DNAJB13: variants seen among roughly 807,000 people sequenced by gnomAD.
The protein encoded by DNAJB13 is DnaJ heat shock protein family (Hsp40) member B13, also known as dnaJ homolog subfamily B member 13.
DNAJB13 carries 22 observed loss-of-function variants against 35.6 expected under a neutral mutation model. That is an observed-to-expected ratio of 0.62 (90% CI 0.44 to 0.88). The LOEUF is 0.88. DNAJB13 is among the 40% of genes least tolerant of loss of function. DNAJB13 has a pLI of 0.00. For synonymous variants in DNAJB13, 136 were observed against 144.2 expected (o/e 0.94, Z 0.41); for missense variants, 370 against 384.3 (o/e 0.96, Z 0.31).
chr11:73,961,530 C>G (rs1203237279), intron 3 of DNAJB13, among the ~76,000 whole-genome samples: 1 of 152,178 alleles, frequency 6.6e-6, no homozygotes, highest in African/African-American at 2.4e-5. Context: ...TGGGTGGACC[C>G]ACAAAGGCTG....
intron 7 of DNAJB13, 32 bp from the exon 8 acceptor site, chr11:73,969,929 C>CCTCTATG: frequency 6.3e-7 from 1 of 1,588,112 alleles, no homozygotes; most frequent in Non-Finnish European, 8.6e-7. Flanking sequence ...TCTGGGATGC[C>CCTCTATG]CTCTATGCTC....
At chr11:73,967,453 A>G (rs1206658640) in intron 5 of DNAJB13, among the ~76,000 whole-genome samples, 2 of 152,202 alleles carry the variant, frequency 1.3e-5, no homozygotes, top group African/African-American at 2.4e-5. Flanking sequence ...CCTATGAAAC[A>G]TCTACCTCCG....
chr11:73,960,862 T>A (rs1197541606), intron 3 of DNAJB13, among the ~76,000 whole-genome samples: 2 of 152,170 alleles, frequency 1.3e-5, no homozygotes, highest in African/African-American at 2.4e-5. Flanking sequence ...TACATGCAAA[T>A]CTATATACTA....
chr11:73,968,512 T>C, intron 6 of DNAJB13, 54 bp downstream of exon 6: 1 of 1,494,848 alleles, frequency 6.7e-7, no homozygotes, highest in East Asian at 2.3e-5. Context: ...GAGCCCTGCC[T>C]GCCCCGGCCT....
Position 73,959,662 on chromosome 11 carries a change from G to A in DNAJB13, c.334+7G>A, listed in dbSNP as rs1591184308. On this transcript the variant is annotated splice_region_variant and intron_variant, in intron 3 of 7. Transcript: ENST00000339764. ...GGAAACAACCCCTTCAGTGGTAAGAGGTCTTCCTCCCCCACCTTGCCTTAT... is the reference window on the plus strand; with the variant it reads ...GGAAACAACCCCTTCAGTGGTAAGAAGTCTTCCTCCCCCACCTTGCCTTAT... 1.1e-5 allele frequency: 17 copies of A among 1,611,904 alleles called. No homozygotes were observed. Among genetic ancestry groups the A allele is most frequent in the Non-Finnish European group, 1.2e-5 (14 of 1,178,570 alleles).
At position 73,962,036 on chromosome 11, in the gene DNAJB13, G is replaced by A. The variant is rs192316187; in HGVS notation, c.334+2381G>A. Among the ~76,000 whole-genome samples, 1,271 of 152,194 alleles carry A rather than the reference G, an allele frequency of 8.4e-3. 19 individuals carry two copies. The highest frequency in any genetic ancestry group is 0.027 in the Middle Eastern group (8 of 294). Reference sequence around the variant, plus strand: ...TTGAACTCCTGACCTCAGGTGATCCGCCTGCGTCATCCTCCCAAAGTGCTG... The same window carrying A: ...TTGAACTCCTGACCTCAGGTGATCCACCTGCGTCATCCTCCCAAAGTGCTG... On this transcript the variant is annotated intron_variant, in intron 3 of 7. Transcript: ENST00000339764.
intron 1 of DNAJB13, among the ~76,000 whole-genome samples, chr11:73,955,389 A>C (rs999227583): frequency 2.6e-5 from 4 of 151,124 alleles, no homozygotes; most frequent in African/African-American, 7.3e-5. Flanking sequence ...GCTCACTGCA[A>C]CCTCCACCTT....
intron 2 of DNAJB13, among the ~76,000 whole-genome samples, chr11:73,958,987 T>C (rs1950843967): frequency 6.6e-6 from 1 of 152,258 alleles, no homozygotes; most frequent in Non-Finnish European, 1.5e-5. Flanking sequence ...TGGAGACTAA[T>C]CCTGGTTCCT....
chr11:73,953,322 G>A (rs1028394716), intron 1 of DNAJB13, among the ~76,000 whole-genome samples: 2 of 152,136 alleles, frequency 1.3e-5, no homozygotes, highest in African/African-American at 2.4e-5. Flanking sequence ...TCAGGAGATC[G>A]AGACTGTAGC....
intron 7 of DNAJB13, 24 bp downstream of exon 7, chr11:73,969,346 C>T: frequency 2.3e-6 from 2 of 870,406 alleles, no homozygotes; most frequent in Non-Finnish European, 4.0e-6. Context: ...CCTTGGGCCC[C>T]AGTAGCCAAG....
intron 6 of DNAJB13, 38 bp downstream of exon 6, chr11:73,968,496 C>CA (rs780696780): frequency 6.4e-7 from 1 of 1,566,552 alleles, no homozygotes; most frequent in Non-Finnish European, 8.7e-7. Flanking sequence ...GGGAGGAGAT[C>CA]AGAGTGAGCC....
At chr11:73,969,753 G>T (rs1277108778) in intron 7 of DNAJB13, among the ~76,000 whole-genome samples, 1 of 151,078 alleles carries the variant, frequency 6.6e-6, no homozygotes, top group Non-Finnish European at 1.5e-5. Context: ...CTTAAACAAA[G>T]TTTCTGGAAT....
chr11:73,965,267 C>A (rs577292785), intron 4 of DNAJB13: 48 of 406,082 alleles, frequency 1.2e-4, no homozygotes, highest in Non-Finnish European at 1.9e-4. Context: ...GCCTTCCCAA[C>A]TGGGACAGGC....
intron 2 of DNAJB13, among the ~76,000 whole-genome samples, chr11:73,958,706 G>A (rs112339068): frequency 6.6e-6 from 1 of 152,302 alleles, no homozygotes; most frequent in South Asian, 2.1e-4. Context: ...CTGCGGGGAC[G>A]GGACCTTCCC....
intron 7 of DNAJB13, among the ~76,000 whole-genome samples, chr11:73,969,546 T>G (rs1591211507): frequency 6.6e-6 from 1 of 152,334 alleles, no homozygotes; most frequent in South Asian, 2.1e-4. Context: ...ACAAAGCCAC[T>G]GCAGAGGCTA....
intron 2 of DNAJB13, 147 bp downstream of exon 2, chr11:73,958,567 G>C (rs1464427526): frequency 1.3e-6 from 1 of 796,918 alleles, no homozygotes; most frequent in African/African-American, 1.7e-5. Context: ...ACAGAATACG[G>C]ACCCGCCTTT....
chr11:73,956,595 T>C (rs895271066), intron 1 of DNAJB13, among the ~76,000 whole-genome samples: 3 of 151,892 alleles, frequency 2.0e-5, no homozygotes, highest in African/African-American at 7.3e-5. Context: ...CTGAGGTCAG[T>C]AGTTCAAGAC....
chr11:73,958,252 G>A, intron 1 of DNAJB13, 65 bp from the exon 2 acceptor site: 1 of 1,547,042 alleles, frequency 6.5e-7, no homozygotes, highest in Non-Finnish European at 8.9e-7. Context: ...TGCCGGCTCT[G>A]AACTCTGGTC....
intron 3 of DNAJB13, 65 bp from the exon 4 acceptor site, chr11:73,964,813 G>GCA (rs199798980): frequency 7.1e-6 from 7 of 992,292 alleles, no homozygotes; most frequent in Non-Finnish European, 1.0e-5. Context: ...GTGTGTGTGT[G>GCA]CGCGCGCGCG....
Sources: gnomAD v4.1 joint callset for allele counts (sites outside exome capture counted in the v4.1 genomes callset) on GRCh38, gnomAD v4.1.1 for gene constraint, MANE v1.5 for transcripts, NCBI Gene and HGNC (gene_info 2026-07-23, HGNC 2026-07-21) for gene names.